Variants in VAT1L observed in about 807,000 individuals in gnomAD.
VAT1L encodes vesicle amine transport 1 like, also known as putative NADPH-dependent quinone oxidoreductase VAT1L.
Under a neutral mutation model 44.1 loss-of-function variants are expected in VAT1L, and 34 were observed. The ratio of observed to expected loss-of-function variants is 0.77; its 90% CI spans 0.59 to 1.03. The LOEUF is 1.03. Among genes scored for constraint, VAT1L ranks in the 50% least tolerant of loss-of-function variants. VAT1L has a pLI of 0.00. For synonymous variants in VAT1L, 253 were observed against 202.2 expected (o/e 1.25, Z -2.13); for missense variants, 615 against 538.8 (o/e 1.14, Z -1.40).
At position 77,964,779 on chromosome 16, in the gene VAT1L, C is replaced by CTTTTTTTTTTTTTTT. The variant is rs10566511; in HGVS notation, c.1078-7053_1078-7039dup. On this transcript the variant is annotated intron_variant, in intron 7 of 8. Coordinates refer to ENST00000302536, the MANE Select transcript of VAT1L (RefSeq NM_020927.3). ...AACACTGCTCACGCCCTTTGTAGCA[C>CTTTTTTTTTTTTTTT]TTTTTTTTTTTTTTTTTTTTTTTTT... 1.2e-4 allele frequency among the ~76,000 whole-genome samples: 11 copies of CTTTTTTTTTTTTTTT among 91,882 alleles called. 1 individual carries two copies. The highest frequency in any genetic ancestry group is 6.7e-4 in the Admixed American group (5 of 7,508). 60.3% of individuals were successfully genotyped at this position (91,882 alleles called of 152,430 possible). A position where few individuals can be genotyped will look rare whatever the true frequency, so the allele number is the denominator to read the frequency against.
chr16:77,908,873 T>C (rs934057353), intron 7 of VAT1L, among the ~76,000 whole-genome samples: 2 of 151,148 alleles, frequency 1.3e-5, no homozygotes, highest in South Asian at 2.1e-4. Context: ...GAGATGGCGC[T>C]ACTGCACTCC....
chr16:77,825,238 A>G lies in VAT1L; in HGVS notation c.364-8A>G, dbSNP rs200438602. On this transcript the variant is annotated splice_polypyrimidine_tract_variant and splice_region_variant and intron_variant, in intron 2 of 8. Coordinates refer to ENST00000302536, the MANE Select transcript of VAT1L (RefSeq NM_020927.3). ...GCCTCCACTAACTCTGTGTTTCCCC[A>G]TGCCCAGATTGGAGACCGTGTCATG... 6.8e-6 allele frequency: 11 copies of G among 1,613,856 alleles called. No individual in the cohort carries two copies. Among genetic ancestry groups the G allele is most frequent in the African/African-American group, 6.7e-5 (5 of 75,010 alleles).
At chr16:77,881,190 A>C (rs2017150809) in intron 6 of VAT1L, among the ~76,000 whole-genome samples, 1 of 152,182 alleles carries the variant, frequency 6.6e-6, no homozygotes, top group African/African-American at 2.4e-5. Context: ...TGCTTTTCAC[A>C]AGGGTTTATT....
At chr16:77,912,136 T>G (rs950185831) in intron 7 of VAT1L, among the ~76,000 whole-genome samples, 1 of 152,166 alleles carries the variant, frequency 6.6e-6, no homozygotes, top group African/African-American at 2.4e-5. Flanking sequence ...TACCATGAGC[T>G]GCCTAGAAAG....
chr16:77,816,441 G>A (rs2016356590), intron 1 of VAT1L, among the ~76,000 whole-genome samples: 1 of 152,202 alleles, frequency 6.6e-6, no homozygotes, highest in Non-Finnish European at 1.5e-5. Context: ...GTGGTTGGTT[G>A]TTTTGAGACC....
At chr16:77,942,116 G>C (rs766182442) in intron 7 of VAT1L, among the ~76,000 whole-genome samples, 3 of 152,204 alleles carry the variant, frequency 2.0e-5, no homozygotes, top group East Asian at 1.9e-4. Context: ...CCTGAGACTG[G>C]GTAATTTACA....
In VAT1L at chr16:77,972,939, G is replaced by A. The variant is rs1265353645; in HGVS notation, c.1161+1006G>A. On this transcript the variant is annotated intron_variant, in intron 8 of 8. Coordinates refer to ENST00000302536, the MANE Select transcript of VAT1L (RefSeq NM_020927.3). Reference sequence around the variant, plus strand: ...GAGCTCAAGCAATCTGCCTACCTCGGCCTCCCAGAGTGCTGGGATTATAGG... The same window carrying A: ...GAGCTCAAGCAATCTGCCTACCTCGACCTCCCAGAGTGCTGGGATTATAGG... 9.2e-5 allele frequency among the ~76,000 whole-genome samples: 14 copies of A among 151,950 alleles called. No individual in the cohort carries two copies. The South Asian group carries it at 2.9e-3, about 32-fold the overall frequency.
intron 8 of VAT1L, 37 bp downstream of exon 8, chr16:77,971,970 C>A: frequency 6.3e-7 from 1 of 1,587,342 alleles, no homozygotes; most frequent in South Asian, 1.1e-5. Context: ...CAGTTCCACG[C>A]GAGAGAGCAC....
chr16:77,824,402 G>A (rs944962643), intron 2 of VAT1L, among the ~76,000 whole-genome samples: 1 of 152,166 alleles, frequency 6.6e-6, no homozygotes, highest in African/African-American at 2.4e-5. Context: ...CTTGTGAAAT[G>A]TATTAGCTTT....
intron 7 of VAT1L, among the ~76,000 whole-genome samples, chr16:77,896,629 C>G (rs1420448708): frequency 2.0e-5 from 3 of 152,148 alleles, no homozygotes; most frequent in East Asian, 1.9e-4. Flanking sequence ...ATATGCCCCG[C>G]GAAAGATTTC....
intron 1 of VAT1L, among the ~76,000 whole-genome samples, chr16:77,798,855 G>A (rs1300165841): frequency 6.6e-6 from 1 of 152,172 alleles, no homozygotes; most frequent in Non-Finnish European, 1.5e-5. Context: ...GATCTTCAGA[G>A]GGCGGGAAGG....
chr16:77,862,960 T>C, intron 4 of VAT1L, 70 bp downstream of exon 4: 1 of 1,527,500 alleles, frequency 6.5e-7, no homozygotes, highest in Admixed American at 2.0e-5. Context: ...GTAGCACTTA[T>C]TTAAAAGAGG....
At chr16:77,907,896 C>T (rs2017454663) in intron 7 of VAT1L, among the ~76,000 whole-genome samples, 1 of 152,250 alleles carries the variant, frequency 6.6e-6, no homozygotes, top group South Asian at 2.1e-4. Context: ...ATAATAAAAG[C>T]AGAGAGTAGC....
At chr16:77,975,919 A>C (rs2018335282) in intron 8 of VAT1L, among the ~76,000 whole-genome samples, 1 of 152,200 alleles carries the variant, frequency 6.6e-6, no homozygotes, top group Admixed American at 6.5e-5. Context: ...TTCTGTGTTC[A>C]CATCACCTCA....
At position 77,862,900 on chromosome 16, in the gene VAT1L, T is replaced by A. The variant is rs1278991828; in HGVS notation, c.722+10T>A. On this transcript the variant is annotated intron_variant, in intron 4 of 8. Transcript: ENST00000302536. ...TGCAAGAAGTTAAAAGGTAAGATGT[T>A]TGCTTTTGAAAAAGCACCAGGCTGG... The A allele has an allele frequency of 6.2e-7, 1 of 1,613,060 alleles. No homozygotes were observed. Among genetic ancestry groups the A allele is most frequent in the Non-Finnish European group, 8.5e-7 (1 of 1,179,654 alleles).
chr16:77,825,165 C>T, intron 2 of VAT1L, 81 bp from the exon 3 acceptor site: 2 of 1,513,028 alleles, frequency 1.3e-6, no homozygotes, highest in Non-Finnish European at 1.8e-6. Context: ...CAGCGCCTGG[C>T]CAGCTCCCAG....
rs532481540 is a variant in VAT1L, at chr16:77,827,527, A to G, written c.579+2066A>G. ...AGATGCTACCGACAATACTAACTAA[A>G]GTGTAAAACAGGTGAAGGAACTGGG... On this transcript the variant is annotated intron_variant, in intron 3 of 8. Coordinates refer to ENST00000302536, the MANE Select transcript of VAT1L (RefSeq NM_020927.3). Among the ~76,000 whole-genome samples, 23 of 152,354 alleles carry G rather than the reference A, an allele frequency of 1.5e-4. No individual in the cohort carries two copies. The South Asian group carries it at 4.6e-3, about 30-fold the overall frequency.
In VAT1L at chr16:77,788,569, A is replaced by T. The variant is rs972942953; in HGVS notation, c.-114A>T. The T allele has an allele frequency of 4.0e-6, 5 of 1,239,642 alleles. No individual in the cohort carries two copies. The highest frequency in any genetic ancestry group is 2.4e-5 in the Admixed American group (1 of 42,374). The allele number at this position is 1,239,642 out of a possible 1,614,324, so 76.8% of individuals were successfully genotyped here. ...CGCTCGCAGAGGCTGCAGCCATTGC[A>T]CAGCCGAGCATCCCACATTCAACAG... On this transcript the variant is annotated 5_prime_UTR_variant, in exon 1 of 9. Coordinates refer to ENST00000302536, the MANE Select transcript of VAT1L (RefSeq NM_020927.3).
intron 7 of VAT1L, among the ~76,000 whole-genome samples, chr16:77,890,343 G>C (rs922903188): frequency 6.6e-6 from 1 of 152,052 alleles, no homozygotes; most frequent in Non-Finnish European, 1.5e-5. Flanking sequence ...AGATTTGTTT[G>C]GTCAATGGAG....
Sources: gnomAD v4.1 joint callset for allele counts (sites outside exome capture counted in the v4.1 genomes callset) on GRCh38, gnomAD v4.1.1 for gene constraint, MANE v1.5 for transcripts, NCBI Gene and HGNC (gene_info 2026-07-23, HGNC 2026-07-21) for gene names.